The following VPS26C variants were observed in gnomAD, a reference collection of about 807,000 sequenced individuals.
The protein encoded by VPS26C is VPS26 endosomal protein sorting factor C.
In VPS26C, 19 loss-of-function variants were observed where a neutral mutation model predicts 30.6. That is an observed-to-expected ratio of 0.62 (90% CI 0.43 to 0.91). The LOEUF is 0.91. Among genes scored for constraint, VPS26C ranks in the 40% least tolerant of loss-of-function variants. The pLI is 0.00. For missense variants in VPS26C, 318 were observed against 385.1 expected, an observed-to-expected ratio of 0.83 and a Z score of 1.46; for synonymous variants, 132 against 151.5, an observed-to-expected ratio of 0.87 and a Z score of 0.95.
chr21:37,248,078 G>A (rs974470589), intron 1 of VPS26C, among the ~76,000 whole-genome samples: 1 of 152,134 alleles, frequency 6.6e-6, no homozygotes, highest in Non-Finnish European at 1.5e-5. Context: ...AAAAACTACA[G>A]GGAATAGATT....
chr21:37,232,110 T>G, intron 5 of VPS26C: 2 of 441,240 alleles, frequency 4.5e-6, no homozygotes, highest in Non-Finnish European at 8.1e-6. Flanking sequence ...TGGGGGCCCA[T>G]GATGCAGTAA....
chr21:37,261,986 A>ACTTTAAT (rs2086309083), intron 1 of VPS26C: 2 of 152,210 alleles, frequency 1.3e-5, no homozygotes, highest in Admixed American at 1.3e-4. Context: ...TACTTAGAGT[A>ACTTTAAT]GTACTTAGTG....
intron 1 of VPS26C, among the ~76,000 whole-genome samples, chr21:37,260,273 ATTAG>A (rs1230282818): frequency 1.3e-5 from 2 of 152,172 alleles, no homozygotes; most frequent in East Asian, 1.9e-4. Flanking sequence ...ATAAAACAGT[ATTAG>A]TTAGGTGTTT....
intron 1 of VPS26C, chr21:37,261,192 G>C (rs757469635): frequency 5.9e-5 from 9 of 152,190 alleles, no homozygotes; most frequent in Non-Finnish European, 1.3e-4. Flanking sequence ...GTAAACTATT[G>C]CCAGTTACTA....
intron 4 of VPS26C, 29 bp from the exon 5 acceptor site, chr21:37,232,480 T>A: frequency 6.3e-7 from 1 of 1,584,370 alleles, no homozygotes; most frequent in Non-Finnish European, 8.7e-7. Flanking sequence ...CCGAAATCAG[T>A]AGGTGAAGGC....
At chr21:37,240,473 G>A (rs2086074278) in intron 2 of VPS26C, 23 bp downstream of exon 2, 2 of 1,612,722 alleles carry the variant, frequency 1.2e-6, no homozygotes, top group Non-Finnish European at 1.7e-6. Flanking sequence ...CTAAAAACTT[G>A]CAATCTAAGC....
upstream of VPS26C, chr21:37,268,060 T>C (rs1400764352): frequency 6.6e-6 from 1 of 152,188 alleles, no homozygotes; most frequent in East Asian, 1.9e-4. Context: ...CCGGGTGACC[T>C]CGCTCCTCTC....
At chr21:37,266,318 TC>T (rs2148315344) in intron 1 of VPS26C, among the ~76,000 whole-genome samples, 1 of 152,320 alleles carries the variant, frequency 6.6e-6, no homozygotes, top group African/African-American at 2.4e-5. Context: ...AGTTTTAGCA[TC>T]CATCCAAGAC....
At chr21:37,267,646 G>T, upstream of VPS26C, 1 of 302,870 alleles carries the variant, frequency 3.3e-6, no homozygotes, top group Non-Finnish European at 6.2e-6. Context: ...GGGAGGAACG[G>T]CTCTCCCCGC....
chr21:37,244,391 C>T (rs1214260195), intron 1 of VPS26C, among the ~76,000 whole-genome samples: 1 of 152,360 alleles, frequency 6.6e-6, no homozygotes, highest in East Asian at 1.9e-4. Context: ...GCATGCACCA[C>T]CACACCCAGC....
chr21:37,225,426 G>T lies in VPS26C; in HGVS notation c.*118C>A. 1.2e-6 allele frequency: 1 copy of T among 855,016 alleles called. No individual in the cohort carries two copies. Among genetic ancestry groups the T allele is most frequent in the Non-Finnish European group, 1.9e-6 (1 of 522,332 alleles). The allele number at this position is 855,016 out of a possible 1,614,324, so 53.0% of individuals were successfully genotyped here. A position where few individuals can be genotyped will look rare whatever the true frequency, so the allele number is the denominator to read the frequency against. On this transcript the variant is annotated 3_prime_UTR_variant, in exon 8 of 8. Transcript: ENST00000309117. ...TAATTTGAGGGTCTGTTTCATTTCT[G>T]ATACAGAATAATCACAAAAACAAGT... is the stretch of plus-strand genomic sequence containing the variant.
intron 4 of VPS26C, among the ~76,000 whole-genome samples, chr21:37,232,943 A>T (rs796474479): frequency 6.6e-5 from 10 of 152,292 alleles, no homozygotes; most frequent in African/African-American, 2.4e-4. Context: ...CACCTGAAGA[A>T]TCATACTTTA....
chr21:37,236,986 G>A (rs182047849), intron 3 of VPS26C, among the ~76,000 whole-genome samples: 1 of 152,244 alleles, frequency 6.6e-6, no homozygotes, highest in Non-Finnish European at 1.5e-5. Context: ...TTGCGTTGTT[G>A]CCCAGGCTGG....
At chr21:37,261,607 G>T (rs1417017126) in intron 1 of VPS26C, 5 of 151,188 alleles carry the variant, frequency 3.3e-5, no homozygotes, top group Admixed American at 6.6e-5. Flanking sequence ...GACAAGAGTT[G>T]TTGCTATAAC....
chr21:37,227,590 AGGCCCTGGCGCTGAGC>A lies in VPS26C; in HGVS notation c.811+48_811+63del. 6 of 1,575,882 alleles carry A rather than the reference AGGCCCTGGCGCTGAGC, an allele frequency of 3.8e-6. No homozygotes were observed. The South Asian group carries it at 6.7e-5, about 18-fold the overall frequency. ...GGTTCTGAGCTCTGTGACCCACAGCAGGCCCTGGCGCTGAGCGGCCCTTCCCATGGGCCCATGAGGG... is the reference window on the plus strand; with the variant it reads ...GGTTCTGAGCTCTGTGACCCACAGCAGGCCCTTCCCATGGGCCCATGAGGG... On this transcript the variant is annotated intron_variant, in intron 7 of 7. Transcript: ENST00000309117.
intron 1 of VPS26C, among the ~76,000 whole-genome samples, chr21:37,255,085 A>G (rs2086229263): frequency 1.3e-5 from 2 of 152,342 alleles, no homozygotes; most frequent in South Asian, 2.1e-4. Context: ...GTAAAAATAT[A>G]TATTTTCAAT....
intron 4 of VPS26C, chr21:37,232,795 C>T (rs1170718297): frequency 2.6e-6 from 1 of 381,228 alleles, no homozygotes. Context: ...CTTCACACCT[C>T]CCAGATGGTC....
At chr21:37,228,537 G>T in intron 5 of VPS26C, 164 bp from the exon 6 acceptor site, 1 of 667,434 alleles carries the variant, frequency 1.5e-6, no homozygotes, top group Non-Finnish European at 2.5e-6. Flanking sequence ...TGACGTCTTG[G>T]ACATTAGCCG....
intron 1 of VPS26C, among the ~76,000 whole-genome samples, chr21:37,241,389 G>C (rs2086085688): frequency 6.6e-6 from 1 of 152,198 alleles, no homozygotes; most frequent in Admixed American, 6.5e-5. Context: ...ATTCGCTATT[G>C]GAGAGCAGTT....
Sources: gnomAD v4.1 joint callset for allele counts (sites outside exome capture counted in the v4.1 genomes callset) on GRCh38, gnomAD v4.1.1 for gene constraint, MANE v1.5 for transcripts, NCBI Gene and HGNC (gene_info 2026-07-23, HGNC 2026-07-21) for gene names.